Variants in PLA2G4D observed in about 807,000 individuals in gnomAD.
PLA2G4D encodes cytosolic phospholipase A2 delta.
A neutral mutation model predicts 94.4 loss-of-function variants in PLA2G4D; 80 were observed. That is an observed-to-expected ratio of 0.85 (90% CI 0.71 to 1.02). The LOEUF (loss-of-function observed/expected upper bound fraction) is 1.02, where lower values mean the gene tolerates loss of function less well. PLA2G4D is among the 50% of genes least tolerant of loss of function. The pLI is 0.00. For missense variants in PLA2G4D, 1,050 were observed against 1,034.7 expected, an observed-to-expected ratio of 1.01 and a Z score of -0.20; for synonymous variants, 438 against 440.9, an observed-to-expected ratio of 0.99 and a Z score of 0.08.
chr15:42,089,294 T>C (rs757062361), intron 1 of PLA2G4D, among the ~76,000 whole-genome samples: 1 of 152,130 alleles, frequency 6.6e-6, no homozygotes, highest in Non-Finnish European at 1.5e-5. Flanking sequence ...TGCTGCTTGC[T>C]AGGGGCTGGC....
chr15:42,070,671 C>G (rs776436059), intron 18 of PLA2G4D, 46 bp downstream of exon 18: 1 of 1,535,000 alleles, frequency 6.5e-7, no homozygotes, highest in Admixed American at 2.0e-5. Context: ...GCCTCTGGAG[C>G]TTGGCCTGGC....
intron 1 of PLA2G4D, among the ~76,000 whole-genome samples, chr15:42,093,353 G>A (rs1239771170): frequency 6.6e-6 from 1 of 152,144 alleles, no homozygotes; most frequent in East Asian, 1.9e-4. Flanking sequence ...AGCAGGCTGA[G>A]GGAAAAGGGG....
chr15:42,073,925 A>G (rs1889873668), intron 13 of PLA2G4D, among the ~76,000 whole-genome samples: 2 of 151,670 alleles, frequency 1.3e-5, no homozygotes, highest in African/African-American at 2.4e-5. Context: ...TCATCCTTCC[A>G]CCCCATTTTC....
In PLA2G4D at chr15:42,070,825, C is replaced by T. The variant is rs76945765; in HGVS notation, c.1935G>A (p.Leu645=). 10,047 of 1,611,166 alleles carry T rather than the reference C, an allele frequency of 6.2e-3. 167 individuals are homozygous for T. Among genetic ancestry groups the T allele is most frequent in the African/African-American group, 0.048 (3,566 of 74,994 alleles). Residue 645 remains leucine, a synonymous_variant, in exon 18 of 20, where the codon CTG becomes CTA. Transcript: ENST00000290472. Reference sequence around the variant, plus strand: ...TGTTGATGAAGTAGGCGGCGTCCACCAGGCAGAGCCGGGGCTCCTTGGGGG... The same window carrying T: ...TGTTGATGAAGTAGGCGGCGTCCACTAGGCAGAGCCGGGGCTCCTTGGGGG... ...QLTPKEPRLC[L]VDAAYFINTS...
Position 42,071,131 on chromosome 15 carries a change from G to A in PLA2G4D, c.1868C>T (p.Thr623Ile), listed in dbSNP as rs953878853. The change falls in exon 17 of 20, where the codon ACC becomes ATC. Residue 623 changes from threonine (T) to isoleucine (I), a missense_variant. Thr to Ile is a moderately conservative substitution (Grantham distance 89). Coordinates refer to ENST00000290472, the MANE Select transcript of PLA2G4D (RefSeq NM_178034.4). ...CTGGCCACGGCCCTGACCTGCCCAG[G>A]TGGAGAAGTCTTTGTGGCTACAGTA... ...QDYCSHKDFS[T>I]WADYQLDSMP... The A allele has an allele frequency of 5.0e-6, 8 of 1,610,992 alleles. No individual in the cohort carries two copies. The highest frequency in any genetic ancestry group is 1.7e-6 in the Non-Finnish European group (2 of 1,179,050).
intron 17 of PLA2G4D, 112 bp downstream of exon 17, chr15:42,071,011 T>C (rs1889800850): frequency 6.5e-7 from 1 of 1,530,948 alleles, no homozygotes. Flanking sequence ...GGGGATCGTC[T>C]CCAGGCCACA....
chr15:42,092,760 C>T lies in PLA2G4D; in HGVS notation c.45+1655G>A, dbSNP rs11633801. On this transcript the variant is annotated intron_variant, in intron 1 of 19. Coordinates refer to ENST00000290472, the MANE Select transcript of PLA2G4D (RefSeq NM_178034.4). ...GGAGAGGCCCAGGGCACACGTTTGCCAGGAAGTTTTGTGAGAGGCTCTGTG... is the reference window on the plus strand; with the variant it reads ...GGAGAGGCCCAGGGCACACGTTTGCTAGGAAGTTTTGTGAGAGGCTCTGTG... 2.9e-3 allele frequency among the ~76,000 whole-genome samples: 441 copies of T among 152,296 alleles called. 1 individual carries two copies. Among genetic ancestry groups the T allele is most frequent in the Non-Finnish European group, 4.9e-3 (332 of 68,024 alleles).
At chr15:42,078,829 G>T (rs962572202) in intron 13 of PLA2G4D, among the ~76,000 whole-genome samples, 9 of 152,070 alleles carry the variant, frequency 5.9e-5, no homozygotes, top group African/African-American at 2.2e-4. Context: ...AGTTATGTGT[G>T]GTAAAACAAC....
intron 4 of PLA2G4D, 60 bp from the exon 5 acceptor site, chr15:42,085,591 A>G: frequency 6.5e-7 from 1 of 1,545,764 alleles, no homozygotes; most frequent in South Asian, 1.1e-5. Context: ...GAGTTGACAC[A>G]GTTCTTTTAC....
intron 8 of PLA2G4D, 49 bp downstream of exon 8, chr15:42,083,149 G>A (rs889644290): frequency 5.7e-6 from 9 of 1,582,486 alleles, no homozygotes; most frequent in African/African-American, 2.7e-5. Flanking sequence ...GCTGCAGCTG[G>A]AGCTGCCCAA....
chr15:42,076,288 T>C (rs993771847), intron 13 of PLA2G4D, among the ~76,000 whole-genome samples: 6 of 152,218 alleles, frequency 3.9e-5, no homozygotes, highest in African/African-American at 1.4e-4. Flanking sequence ...ATCCACATGA[T>C]ACCTGGAGAT....
At position 42,084,256 on chromosome 15, in the gene PLA2G4D, T is replaced by C. The variant is rs976025444; in HGVS notation, c.472-477A>G. Among the ~76,000 whole-genome samples the C allele has an allele frequency of 2.0e-5, 3 of 152,118 alleles. No homozygotes were observed. The highest frequency in any genetic ancestry group is 7.2e-5 in the African/African-American group (3 of 41,414). ...ATGACAAGGCCAGGCCCCCGTGGCC[T>C]TGCCAAGGGAGCCTCTGCATGCTGT... On this transcript the variant is annotated intron_variant, in intron 6 of 19. Coordinates refer to ENST00000290472, the MANE Select transcript of PLA2G4D (RefSeq NM_178034.4). This position sits in a 1 kb window ranked among gnomAD's most constrained non-coding sequence, Gnocchi z 4.8.
Position 42,084,911 on chromosome 15 carries a change from C to T in PLA2G4D, c.471+185G>A, listed in dbSNP as rs1246518799. 6.6e-6 allele frequency among the ~76,000 whole-genome samples: 1 copy of T among 152,162 alleles called. No homozygotes were observed. The highest frequency in any genetic ancestry group is 1.9e-4 in the East Asian group (1 of 5,176). The stretch of plus-strand genomic sequence containing the variant: ...CCTGCCTCCCCTCTCTCTATGCGCC[C>T]CTTAGCTCCAGGCCCCTCCAAGACC... On this transcript the variant is annotated intron_variant, in intron 6 of 19. Transcript: ENST00000290472. The surrounding 1 kb of genome is among the most constrained non-coding windows in gnomAD (Gnocchi z 4.8).
chr15:42,085,592 G>T, intron 4 of PLA2G4D, 61 bp from the exon 5 acceptor site: 2 of 1,530,776 alleles, frequency 1.3e-6, no homozygotes. Flanking sequence ...AGTTGACACA[G>T]TTCTTTTACA....
intron 18 of PLA2G4D, 71 bp downstream of exon 18, chr15:42,070,646 G>GCC: frequency 6.7e-7 from 1 of 1,481,484 alleles, no homozygotes; most frequent in Non-Finnish European, 9.1e-7. Flanking sequence ...CAGGGGCTCA[G>GCC]TGGCCCTGCT....
intron 19 of PLA2G4D, 23 bp downstream of exon 19, chr15:42,069,886 G>A: frequency 1.4e-6 from 2 of 1,395,572 alleles, no homozygotes; most frequent in Non-Finnish European, 1.9e-6. Context: ...GGCAGCCTGG[G>A]TGCTTGGGAG....
At position 42,081,504 on chromosome 15, in the gene PLA2G4D, A is replaced by AGCTGCAGGGCCT; in HGVS notation, c.920_931dup (p.Gln307_Gln310dup). ...CTCATCCTCCTGCAGGTCTCTGTCCAGCTGCAGGGCCTGCTTCAGGGCCTT... is the reference window on the plus strand; with the variant it reads ...CTCATCCTCCTGCAGGTCTCTGTCCAGCTGCAGGGCCTGCTGCAGGGCCTGCTTCAGGGCCTT... On this transcript the variant is annotated inframe_insertion, in exon 11 of 20. Coordinates refer to ENST00000290472, the MANE Select transcript of PLA2G4D (RefSeq NM_178034.4). 1 of 1,614,076 alleles carries AGCTGCAGGGCCT rather than the reference A, an allele frequency of 6.2e-7. No homozygotes were observed. Among genetic ancestry groups the AGCTGCAGGGCCT allele is most frequent in the Non-Finnish European group, 8.5e-7 (1 of 1,179,988 alleles).
chr15:42,072,963 T>C (rs1235445988), intron 13 of PLA2G4D, among the ~76,000 whole-genome samples: 2 of 152,166 alleles, frequency 1.3e-5, no homozygotes, highest in Non-Finnish European at 2.9e-5. Context: ...TCTTGCCTTC[T>C]GTTCTTAATT....
intron 14 of PLA2G4D, 105 bp from the exon 15 acceptor site, chr15:42,072,016 G>T: frequency 7.1e-7 from 1 of 1,406,006 alleles, no homozygotes; most frequent in South Asian, 1.3e-5. Flanking sequence ...CCTGAGCCCT[G>T]CTGTGCCTGG....
Sources: gnomAD v4.1 joint callset for allele counts (sites outside exome capture counted in the v4.1 genomes callset) on GRCh38, gnomAD v4.1.1 for gene constraint, Gnocchi (gnomAD v3.1) non-coding constraint, MANE v1.5 for transcripts, NCBI Gene and HGNC (gene_info 2026-07-23, HGNC 2026-07-21) for gene names.